Variants in LDLRAD4 observed in about 807,000 individuals in gnomAD.
LDLRAD4 encodes low density lipoprotein receptor class A domain containing 4, also known as low-density lipoprotein receptor class A domain-containing protein 4.
A neutral mutation model predicts 17.0 loss-of-function variants in LDLRAD4; 5 were observed. The ratio of observed to expected loss-of-function variants is 0.29; its 90% CI spans 0.15 to 0.62. LDLRAD4 has a LOEUF of 0.62. Ranked by LOEUF, LDLRAD4 falls within the 20% of genes least tolerant of loss-of-function variation. The pLI, the probability that LDLRAD4 is intolerant of heterozygous loss-of-function variation, is 0.84. For missense variants in LDLRAD4, 340 were observed against 424.7 expected, an observed-to-expected ratio of 0.80 and a Z score of 1.75; for synonymous variants, 168 against 171.8, an observed-to-expected ratio of 0.98 and a Z score of 0.17.
intron 3 of LDLRAD4, among the ~76,000 whole-genome samples, chr18:13,473,493 G>A (rs1258347785): frequency 2.6e-5 from 4 of 151,750 alleles, no homozygotes; most frequent in Non-Finnish European, 5.9e-5. Flanking sequence ...GTAAAAATTA[G>A]CTGGGTGTAG....
intron 3 of LDLRAD4, among the ~76,000 whole-genome samples, chr18:13,469,309 A>C (rs2092707218): frequency 6.6e-6 from 1 of 152,250 alleles, no homozygotes. Context: ...TGCAGCTACT[A>C]TGGAAAACAG....
At chr18:13,288,518 T>G (rs1214172411) in intron 1 of LDLRAD4, among the ~76,000 whole-genome samples, 1 of 152,228 alleles carries the variant, frequency 6.6e-6, no homozygotes, top group Non-Finnish European at 1.5e-5. Flanking sequence ...TTCAACAATC[T>G]AAAAATAATC....
intron 1 of LDLRAD4, among the ~76,000 whole-genome samples, chr18:13,371,910 AAG>A (rs1435990962): frequency 2.6e-5 from 4 of 152,168 alleles, no homozygotes; most frequent in African/African-American, 9.7e-5. Context: ...CTTAAATAGC[AAG>A]AGTTTCTGTA....
At chr18:13,438,534 A>C in intron 3 of LDLRAD4, 150 bp downstream of exon 4, 1 of 682,474 alleles carries the variant, frequency 1.5e-6, no homozygotes, top group Non-Finnish European at 2.5e-6. Flanking sequence ...TTCTTTTAGG[A>C]TAGAGGGACA....
rs188952358 is a variant in LDLRAD4 at position 13,374,297 on chromosome 18, G to A, written c.-382-13044G>A. Among the ~76,000 whole-genome samples, 1,025 of 152,354 alleles carry A rather than the reference G, an allele frequency of 6.7e-3. 6 individuals carry two copies. Among genetic ancestry groups the A allele is most frequent in the Non-Finnish European group, 9.5e-3 (647 of 68,030 alleles). ...TGACCCCACACAGTCTCCTGTGGAG[G>A]CCAGAGCTGGGTCATGGACTGCAGG... On this transcript the variant is annotated intron_variant, in intron 1 of 5. Transcript: ENST00000359446.
Position 13,620,808 on chromosome 18 carries a change from C to T in LDLRAD4, c.182-309C>T, listed in dbSNP as rs147300514. 420 of 393,592 alleles carry T rather than the reference C, an allele frequency of 1.1e-3. 4 individuals are homozygous for T. The East Asian group carries it at 0.018, about 17-fold the overall frequency. 24.4% of individuals were successfully genotyped at this position (393,592 alleles called of 1,614,324 possible). A position where few individuals can be genotyped will look rare whatever the true frequency, so the allele number is the denominator to read the frequency against. ...GAGAAACTCCACTCAACCATAAAGACGGGTTTAACTTTTCTAGAGCGGTGA... is the reference window on the plus strand; with the variant it reads ...GAGAAACTCCACTCAACCATAAAGATGGGTTTAACTTTTCTAGAGCGGTGA... On this transcript the variant is annotated intron_variant, in intron 3 of 5. Transcript: ENST00000359446.
At chr18:13,361,253 A>T (rs2083650747) in intron 1 of LDLRAD4, among the ~76,000 whole-genome samples, 1 of 151,988 alleles carries the variant, frequency 6.6e-6, no homozygotes. Flanking sequence ...TTGTTTTTGT[A>T]TTTTTAGTGG....
intron 1 of LDLRAD4, among the ~76,000 whole-genome samples, chr18:13,224,716 A>AAG (rs2041673441): frequency 6.6e-6 from 1 of 151,192 alleles, no homozygotes; most frequent in Non-Finnish European, 1.5e-5. Flanking sequence ...TCCTGACCTC[A>AAG]TGATCCGCCC....
intron 1 of LDLRAD4, among the ~76,000 whole-genome samples, chr18:13,306,543 A>G (rs532181744): frequency 6.6e-6 from 1 of 152,326 alleles, no homozygotes; most frequent in African/African-American, 2.4e-5. Flanking sequence ...CAGGGTCTCA[A>G]AAGGACCTTT....
intron 3 of LDLRAD4, among the ~76,000 whole-genome samples, chr18:13,595,243 C>T (rs917143393): frequency 6.6e-6 from 1 of 151,498 alleles, no homozygotes; most frequent in African/African-American, 2.4e-5. Flanking sequence ...TTGTTATTTC[C>T]TTCTTTTTTT....
intron 1 of LDLRAD4, among the ~76,000 whole-genome samples, chr18:13,279,182 C>T (rs919288080): frequency 4.6e-5 from 7 of 152,188 alleles, no homozygotes; most frequent in Non-Finnish European, 7.3e-5. Flanking sequence ...AAAGAGCTCA[C>T]GGGGAACACC....
chr18:13,605,055 G>A (rs543978141), intron 3 of LDLRAD4, among the ~76,000 whole-genome samples: 114 of 152,320 alleles, frequency 7.5e-4, no homozygotes, highest in Middle Eastern at 3.4e-3. Flanking sequence ...GAGGCTTGGC[G>A]TCTTCATCAT....
intron 1 of LDLRAD4, among the ~76,000 whole-genome samples, chr18:13,243,438 A>T (rs1012555476): frequency 1.4e-5 from 2 of 146,096 alleles, no homozygotes; most frequent in Non-Finnish European, 3.0e-5. Flanking sequence ...AGCCACCTGT[A>T]CACCCACCCA....
chr18:13,576,338 C>T (rs1475907454), intron 3 of LDLRAD4, among the ~76,000 whole-genome samples: 4 of 148,614 alleles, frequency 2.7e-5, no homozygotes, highest in Non-Finnish European at 5.9e-5. Context: ...AGGAGAATAG[C>T]GTGAACCTGG....
intron 3 of LDLRAD4, among the ~76,000 whole-genome samples, chr18:13,482,920 A>T (rs555316241): frequency 6.6e-6 from 1 of 152,298 alleles, no homozygotes; most frequent in South Asian, 2.1e-4. Flanking sequence ...TGATTAATAT[A>T]AATCCTAGGG....
At chr18:13,289,598 G>T (rs2045848450) in intron 1 of LDLRAD4, among the ~76,000 whole-genome samples, 1 of 152,174 alleles carries the variant, frequency 6.6e-6, no homozygotes, top group African/African-American at 2.4e-5. Context: ...GATGAAGTTT[G>T]CTAGCTGGCC....
chr18:13,578,827 C>CTGTTTTTTTTTTTTTTTTTTTTTTTTT (rs2094812795), intron 3 of LDLRAD4, among the ~76,000 whole-genome samples: 2 of 65,676 alleles, frequency 3.0e-5, no homozygotes, highest in Non-Finnish European at 5.6e-5. Context: ...TTGTCCGGGT[C>CTGTTTTTTTTTTTTTTTTTTTTTTTTT]TTTTTTTTTT....
upstream of LDLRAD4, among the ~76,000 whole-genome samples, chr18:13,218,609 G>T (rs1481185577): frequency 6.6e-6 from 1 of 152,124 alleles, no homozygotes; most frequent in Non-Finnish European, 1.5e-5. Flanking sequence ...GCCAAGCCCC[G>T]CAGCCCCTCA....
chr18:13,227,724 G>T (rs1399057706), intron 1 of LDLRAD4, among the ~76,000 whole-genome samples: 3 of 152,356 alleles, frequency 2.0e-5, no homozygotes, highest in African/African-American at 7.2e-5. Context: ...GGCAGCAAGA[G>T]AGTGAAGTGC....
Sources: allele counts gnomAD v4.1 joint callset (sites outside exome capture counted in the v4.1 genomes callset), GRCh38; gene constraint gnomAD v4.1.1; transcripts MANE v1.5; gene names NCBI Gene and HGNC (gene_info 2026-07-23, HGNC 2026-07-21).